The following PRKN variants were observed in gnomAD, a reference collection of about 807,000 sequenced individuals.
PRKN encodes the protein E3 ubiquitin-protein ligase parkin.
PRKN carries 56 observed loss-of-function variants against 59.5 expected under a neutral mutation model. The ratio of observed to expected loss-of-function variants is 0.94; its 90% CI spans 0.76 to 1.18. PRKN has a LOEUF of 1.18. Ranked by LOEUF, PRKN falls within the 50% of genes most tolerant of loss-of-function variation. PRKN has a pLI of 0.00. For missense variants in PRKN, 657 were observed against 596.4 expected (o/e 1.10, Z -1.06); for synonymous variants, 250 against 222.1 (o/e 1.13, Z -1.12).
At chr6:162,505,555 T>C (rs898699189) in intron 1 of PRKN, among the ~76,000 whole-genome samples, 1 of 152,190 alleles carries the variant, frequency 6.6e-6, no homozygotes, top group African/African-American at 2.4e-5. Flanking sequence ...AGAGCAGTTA[T>C]ACTGGATTTA....
chr6:161,367,238 C>T (rs1357277565), intron 10 of PRKN, among the ~76,000 whole-genome samples: 1 of 151,970 alleles, frequency 6.6e-6, no homozygotes, highest in Non-Finnish European at 1.5e-5. Context: ...GCCTCGGCCT[C>T]CCAAAGTGCT....
At chr6:161,557,745 T>C (rs1248102112) in intron 8 of PRKN, among the ~76,000 whole-genome samples, 1 of 152,128 alleles carries the variant, frequency 6.6e-6, no homozygotes, top group Non-Finnish European at 1.5e-5. Context: ...CTGAGAAAAA[T>C]GGCACATGTT....
intron 1 of PRKN, among the ~76,000 whole-genome samples, chr6:162,526,932 T>C (rs148854860): frequency 4.6e-5 from 7 of 152,258 alleles, no homozygotes; most frequent in Non-Finnish European, 7.4e-5. Flanking sequence ...AAGTATGACA[T>C]GATGAAATGA....
chr6:162,442,986 T>C (rs973763386), intron 2 of PRKN, among the ~76,000 whole-genome samples: 1 of 152,128 alleles, frequency 6.6e-6, no homozygotes, highest in Non-Finnish European at 1.5e-5. Flanking sequence ...TCAAATGGAA[T>C]AAGTAAGGTA....
At chr6:162,118,787 C>T (rs923168134) in intron 4 of PRKN, among the ~76,000 whole-genome samples, 2 of 152,178 alleles carry the variant, frequency 1.3e-5, no homozygotes, top group Admixed American at 6.5e-5. Context: ...CTCCTATAAG[C>T]AACACTTGAC....
Position 161,905,833 on chromosome 6 carries a change from G to A in PRKN, c.734+67469C>T, listed in dbSNP as rs545231984. ...AAAATTAGCCTGGCATGGTGGAAAC[G>A]GCTGTAATCCCAGCTACTTGGGAGG... On this transcript the variant is annotated intron_variant, in intron 6 of 11. Coordinates refer to ENST00000366898, the MANE Select transcript of PRKN (RefSeq NM_004562.3). Among the ~76,000 whole-genome samples, 8 of 150,730 alleles carry A rather than the reference G, an allele frequency of 5.3e-5. No individual in the cohort carries two copies. In the South Asian group the frequency reaches 1.5e-3, roughly 28 times the overall value.
At position 161,925,549 on chromosome 6, in the gene PRKN, C is replaced by T. The variant is rs1374531980; in HGVS notation, c.734+47753G>A. On this transcript the variant is annotated intron_variant, in intron 6 of 11. Transcript: ENST00000366898. ...TCGTGCCACTGCACTCCACGCTGGG[C>T]GATAGAGTGAGACTCCATCTCAAAA... Among the ~76,000 whole-genome samples the T allele has an allele frequency of 4.6e-5, 7 of 151,894 alleles. No homozygotes were observed. In the East Asian group the frequency reaches 1.4e-3, roughly 29 times the overall value.
At chr6:161,954,174 C>T (rs905493180) in intron 6 of PRKN, among the ~76,000 whole-genome samples, 2 of 152,174 alleles carry the variant, frequency 1.3e-5, no homozygotes, top group African/African-American at 4.8e-5. Context: ...AGCCGTGTAG[C>T]TGAAACGTAG....
intron 1 of PRKN, among the ~76,000 whole-genome samples, chr6:162,512,315 C>G (rs549749813): frequency 4.6e-5 from 7 of 152,066 alleles, no homozygotes; most frequent in Non-Finnish European, 1.0e-4. Flanking sequence ...CAAAGTATAC[C>G]TTTACTCACA....
intron 2 of PRKN, among the ~76,000 whole-genome samples, chr6:162,277,368 A>C (rs1273252072): frequency 6.6e-6 from 1 of 152,200 alleles, no homozygotes; most frequent in Non-Finnish European, 1.5e-5. Context: ...AAATTTAGCA[A>C]TGAGGAGACA....
intron 2 of PRKN, among the ~76,000 whole-genome samples, chr6:162,292,529 T>C (rs1037807888): frequency 6.6e-6 from 1 of 151,962 alleles, no homozygotes; most frequent in African/African-American, 2.4e-5. Flanking sequence ...ATTGCACAGA[T>C]GTTGGTGAAT....
chr6:161,723,396 C>T (rs1397331157), intron 7 of PRKN, among the ~76,000 whole-genome samples: 1 of 152,166 alleles, frequency 6.6e-6, no homozygotes, highest in African/African-American at 2.4e-5. Context: ...GTCTCTGTTC[C>T]TCTCCTATTC....
chr6:161,752,697 A>C (rs1310178351), intron 7 of PRKN, among the ~76,000 whole-genome samples: 3 of 152,220 alleles, frequency 2.0e-5, no homozygotes, highest in African/African-American at 7.2e-5. Flanking sequence ...CGTCTCAAAC[A>C]AACAAACAAA....
At chr6:162,085,050 C>T (rs73785359) in intron 4 of PRKN, among the ~76,000 whole-genome samples, 3,642 of 123,744 alleles carry the variant, frequency 0.029, 168 homozygotes, top group African/African-American at 0.12. Context: ...AGTGTCCTAC[C>T]ACAAACACAC....
chr6:162,373,894 G>GA (rs1246655552), intron 2 of PRKN, among the ~76,000 whole-genome samples: 2 of 151,848 alleles, frequency 1.3e-5, no homozygotes, highest in Middle Eastern at 3.4e-3. Context: ...AAGACTTATG[G>GA]AAAAAAAAGG....
rs1786948716 is a variant in PRKN at position 161,399,912 on chromosome 6, TAACTA to T, written c.1084-13040_1084-13036del. Among the ~76,000 whole-genome samples the T allele has an allele frequency of 6.6e-6, 1 of 152,238 alleles. No individual in the cohort carries two copies. Among genetic ancestry groups the T allele is most frequent in the African/African-American group, 2.4e-5 (1 of 41,454 alleles). On this transcript the variant is annotated intron_variant, in intron 9 of 11. Transcript: ENST00000366898. This position sits in a 1 kb window ranked among gnomAD's most constrained non-coding sequence, Gnocchi z 4.4. ...GTAAAATTAATTTCAATATTTTACT[TAACTA>T]AATATATTCAAAATTGTATCATTTC...
chr6:162,566,276 T>C (rs1425252764), intron 1 of PRKN, among the ~76,000 whole-genome samples: 1 of 150,336 alleles, frequency 6.7e-6, no homozygotes, highest in Non-Finnish European at 1.5e-5. Context: ...TAGAAGAAAA[T>C]AATAATAAAG....
intron 4 of PRKN, among the ~76,000 whole-genome samples, chr6:162,121,775 G>T (rs187117589): frequency 1.3e-5 from 2 of 152,252 alleles, no homozygotes; most frequent in African/African-American, 4.8e-5. Flanking sequence ...TGCTGGCTCA[G>T]CTCATACCTG....
At chr6:162,213,073 A>G (rs940681760) in intron 3 of PRKN, among the ~76,000 whole-genome samples, 2 of 152,166 alleles carry the variant, frequency 1.3e-5, no homozygotes, top group Non-Finnish European at 2.9e-5. Flanking sequence ...GAAGATATAA[A>G]TTGATAATTT....
Sources: allele counts gnomAD v4.1 joint callset (sites outside exome capture counted in the v4.1 genomes callset), GRCh38; gene constraint gnomAD v4.1.1; non-coding constraint Gnocchi (gnomAD v3.1); transcripts MANE v1.5; gene names NCBI Gene and HGNC (gene_info 2026-07-23, HGNC 2026-07-21).